Variants in NTPCR observed in about 807,000 individuals in gnomAD.
NTPCR encodes nucleoside-triphosphatase, cancer-related, also known as cancer-related nucleoside-triphosphatase.
NTPCR carries 15 observed loss-of-function variants against 19.5 expected under a neutral mutation model. That is an observed-to-expected ratio of 0.77 (90% CI 0.51 to 1.18). NTPCR has a LOEUF of 1.18. NTPCR is among the 50% of genes most tolerant of loss of function. The pLI is 0.00. For synonymous variants in NTPCR, 90 were observed against 95.8 expected (o/e 0.94, Z 0.36); for missense variants, 206 against 240.4 (o/e 0.86, Z 0.95).
intron 3 of NTPCR, chr1:232,962,428 T>C (rs993969040): frequency 3.3e-5 from 5 of 152,252 alleles, no homozygotes; most frequent in Non-Finnish European, 4.4e-5. Flanking sequence ...CTGGTGCTAC[T>C]GGAATTAGGA....
intron 1 of NTPCR, among the ~76,000 whole-genome samples, chr1:232,952,531 G>C (rs753758238): frequency 6.6e-6 from 1 of 151,658 alleles, no homozygotes; most frequent in African/African-American, 2.4e-5. Flanking sequence ...TTCTTATTGA[G>C]ACAGGGCCTC....
chr1:232,977,190 G>C (rs184952532), intron 4 of NTPCR: 1 of 152,476 alleles, frequency 6.6e-6, no homozygotes, highest in African/African-American at 2.4e-5. Flanking sequence ...ATTACATCCA[G>C]GCTTAAGCAC....
Position 232,980,107 on chromosome 1 carries a change from G to A in NTPCR, c.*1876G>A, listed in dbSNP as rs1404901130. 1 of 152,258 alleles carries A rather than the reference G, an allele frequency of 6.6e-6. No individual in the cohort carries two copies. Among genetic ancestry groups the A allele is most frequent in the Non-Finnish European group, 1.5e-5 (1 of 68,058 alleles). The allele number at this position is 152,258 out of a possible 1,614,324, so 9.4% of individuals were successfully genotyped here. On this transcript the variant is annotated 3_prime_UTR_variant, in exon 5 of 5. Transcript: ENST00000366628. ...TGTAGACTTTGATTTTGTCTTAAAT[G>A]AGAAAGAAAGCTGGTGAAGGTTATT... is the stretch of plus-strand genomic sequence containing the variant.
At chr1:232,962,096 C>T (rs1668682111) in intron 3 of NTPCR, 1 of 152,138 alleles carries the variant, frequency 6.6e-6, no homozygotes, top group South Asian at 2.1e-4. Flanking sequence ...CAGGCATGAA[C>T]TCACTTAATC....
intron 3 of NTPCR, chr1:232,963,813 C>T (rs1668732302): frequency 6.7e-6 from 1 of 148,678 alleles, no homozygotes; most frequent in Non-Finnish European, 1.5e-5. Flanking sequence ...TATCATTTGC[C>T]TTGTTTGCTT....
chr1:232,964,341 G>T (rs1668755223), intron 3 of NTPCR: 1 of 152,188 alleles, frequency 6.6e-6, no homozygotes, highest in African/African-American at 2.4e-5. Flanking sequence ...CTGGAGGTGT[G>T]TGATGTTTAG....
chr1:232,978,349 A>C lies in NTPCR; in HGVS notation c.*118A>C. On this transcript the variant is annotated 3_prime_UTR_variant, in exon 5 of 5. Coordinates refer to ENST00000366628, the MANE Select transcript of NTPCR (RefSeq NM_032324.3). ...TATGGAACCTTGTGGGCTTTTCTAGAGAAAACTCAACAGCTGTTTCCCATA... is the reference window on the plus strand; with the variant it reads ...TATGGAACCTTGTGGGCTTTTCTAGCGAAAACTCAACAGCTGTTTCCCATA... 1 of 750,768 alleles carries C rather than the reference A, an allele frequency of 1.3e-6. No homozygotes were observed. Among genetic ancestry groups the C allele is most frequent in the Non-Finnish European group, 2.2e-6 (1 of 450,928 alleles). 46.5% of individuals were successfully genotyped at this position (750,768 alleles called of 1,614,324 possible).
intron 1 of NTPCR, among the ~76,000 whole-genome samples, chr1:232,955,154 C>T (rs1282986592): frequency 1.3e-5 from 2 of 152,094 alleles, no homozygotes; most frequent in African/African-American, 4.8e-5. Context: ...CTTAAATTCC[C>T]AGCCCCTGAC....
At chr1:232,975,798 T>A (rs189253749) in intron 4 of NTPCR, among the ~76,000 whole-genome samples, 1 of 152,316 alleles carries the variant, frequency 6.6e-6, no homozygotes, top group East Asian at 1.9e-4. Flanking sequence ...CTTTCTTCTT[T>A]CTGCAGTCTT....
chr1:232,972,068 G>A (rs778781710), intron 4 of NTPCR, among the ~76,000 whole-genome samples: 1 of 152,204 alleles, frequency 6.6e-6, no homozygotes, highest in South Asian at 2.1e-4. Flanking sequence ...GAAAGGAGCT[G>A]ACTGTGATGC....
intron 3 of NTPCR, among the ~76,000 whole-genome samples, chr1:232,960,680 C>T (rs144640426): frequency 1.8e-4 from 28 of 152,110 alleles, no homozygotes; most frequent in African/African-American, 6.7e-4. Context: ...GCCTGAGCAT[C>T]GTGGTCGCTC....
chr1:232,978,085 C>A (rs1279379572), intron 4 of NTPCR, 78 bp from the exon 5 acceptor site: 1 of 1,298,538 alleles, frequency 7.7e-7, no homozygotes, highest in African/African-American at 1.5e-5. Flanking sequence ...CCAGGCGTTT[C>A]TTTTAGAGAG....
chr1:232,958,620 C>T (rs982743129), intron 3 of NTPCR, among the ~76,000 whole-genome samples: 4 of 152,206 alleles, frequency 2.6e-5, no homozygotes, highest in Admixed American at 6.5e-5. Context: ...CTCCTCCCAC[C>T]TCCTTCTTCC....
Position 232,978,330 on chromosome 1 carries a change from A to G in NTPCR, c.*99A>G. ...GGCTGTATGCCTATGGGGTTATGGA[A>G]CCTTGTGGGCTTTTCTAGAGAAAAC... is the stretch of plus-strand genomic sequence containing the variant. On this transcript the variant is annotated 3_prime_UTR_variant, in exon 5 of 5. Coordinates refer to ENST00000366628, the MANE Select transcript of NTPCR (RefSeq NM_032324.3). 1 of 943,880 alleles carries G rather than the reference A, an allele frequency of 1.1e-6. No individual in the cohort carries two copies. Among genetic ancestry groups the G allele is most frequent in the South Asian group, 1.5e-5 (1 of 66,896 alleles). The allele number at this position is 943,880 out of a possible 1,614,324, so 58.5% of individuals were successfully genotyped here.
chr1:232,976,696 C>T (rs2102760980), intron 4 of NTPCR: 1 of 991,984 alleles, frequency 1.0e-6, no homozygotes, highest in Non-Finnish European at 1.4e-6. Flanking sequence ...AATGGGATCA[C>T]AGGATTGACG....
chr1:232,962,262 A>G (rs541059979), intron 3 of NTPCR: 63 of 152,318 alleles, frequency 4.1e-4, no homozygotes, highest in African/African-American at 1.4e-3. Context: ...AAAATGTCTT[A>G]TATGGAGTGA....
Position 232,977,961 on chromosome 1 carries a change from ACTTGGCAGAAACTGATG to A in NTPCR, c.505-199_505-183del, listed in dbSNP as rs1669172885. ...ACCCACTTTGACTTTTTGAGCTGTC[ACTTGGCAGAAACTGATG>A]CTGGGACTCGGTGATTCCTGTCCTG... On this transcript the variant is annotated intron_variant, in intron 4 of 4. Coordinates refer to ENST00000366628, the MANE Select transcript of NTPCR (RefSeq NM_032324.3). Among the ~76,000 whole-genome samples, 3 of 152,214 alleles carry A rather than the reference ACTTGGCAGAAACTGATG, an allele frequency of 2.0e-5. No individual in the cohort carries two copies. The South Asian group carries it at 6.2e-4, about 32-fold the overall frequency.
At chr1:232,974,364 A>T (rs1669070097) in intron 4 of NTPCR, among the ~76,000 whole-genome samples, 1 of 152,236 alleles carries the variant, frequency 6.6e-6, no homozygotes, top group African/African-American at 2.4e-5. Context: ...TTCTCTTATC[A>T]GAAAGGAAAT....
At chr1:232,953,358 C>T (rs756480119) in intron 1 of NTPCR, among the ~76,000 whole-genome samples, 1 of 152,180 alleles carries the variant, frequency 6.6e-6, no homozygotes, top group African/African-American at 2.4e-5. Flanking sequence ...CTTATCCAGA[C>T]AGCATTGGGG....
Sources: allele counts gnomAD v4.1 joint callset (sites outside exome capture counted in the v4.1 genomes callset), GRCh38; gene constraint gnomAD v4.1.1; transcripts MANE v1.5; gene names NCBI Gene and HGNC (gene_info 2026-07-23, HGNC 2026-07-21).